The following TMEM184B variants were observed in gnomAD, a reference collection of about 807,000 sequenced individuals.
The protein encoded by TMEM184B is transmembrane protein 184B.
TMEM184B carries 17 observed loss-of-function variants against 41.8 expected under a neutral mutation model. That is an observed-to-expected ratio of 0.41 (90% CI 0.28 to 0.61). The LOEUF is 0.61. Ranked by LOEUF, TMEM184B falls within the 20% of genes least tolerant of loss-of-function variation. The probability of loss-of-function intolerance (pLI) is 0.34; values close to 1 mark genes in which losing one functional copy is unlikely to be tolerated. For synonymous variants in TMEM184B, 240 were observed against 229.5 expected (o/e 1.05, Z -0.41); for missense variants, 393 against 557.8 (o/e 0.70, Z 2.98).
rs745528307 is a variant in TMEM184B, at chr22:38,225,428, C to A, written c.783G>T (p.Trp261Cys). ...AGGTGCTGGGAGGGGGCTCACCTTG[C>A]CAGAAGGAAAGAAAGATGACGGACT... ...MVKSVIFLSF[W>C]QGMLLAILEK... is the part of the protein sequence containing the mutation. The change falls in exon 7 of 9, where the codon TGG (tryptophan) becomes TGT (cysteine). Residue 261 changes from tryptophan to cysteine, a missense_variant. Transcript: ENST00000361906. The surrounding 1 kb of genome is among the most constrained non-coding windows in gnomAD (Gnocchi z 4.4). 2.6e-6 allele frequency: 4 copies of A among 1,562,474 alleles called. No individual in the cohort carries two copies. The highest frequency in any genetic ancestry group is 3.5e-6 in the Non-Finnish European group (4 of 1,156,744).
chr22:38,255,961 T>G (rs926771512), intron 1 of TMEM184B, among the ~76,000 whole-genome samples: 2 of 152,136 alleles, frequency 1.3e-5, no homozygotes, highest in African/African-American at 4.8e-5. Flanking sequence ...ATAGTGGTAG[T>G]GGTTACATGA....
rs369470386 is a variant in TMEM184B at position 38,249,229 on chromosome 22, G to A, written c.-58-1210C>T. The stretch of plus-strand genomic sequence containing the variant: ...CAATGGTGCAATCTCGGCTCCCTGC[G>A]GCTTCCGCCTCCCGGGCTCAAGAAT... On this transcript the variant is annotated intron_variant, in intron 1 of 8. Transcript: ENST00000361906. Among the ~76,000 whole-genome samples the A allele has an allele frequency of 2.0e-4, 30 of 152,210 alleles. No homozygotes were observed. In the South Asian group the frequency reaches 4.4e-3, roughly 22 times the overall value.
rs971990322 is a variant in TMEM184B at position 38,221,819 on chromosome 22, A to G, written c.983-109T>C. 6 of 1,457,444 alleles carry G rather than the reference A, an allele frequency of 4.1e-6. No homozygotes were observed. In the African/African-American group the frequency reaches 5.6e-5, roughly 14 times the overall value. The allele number at this position is 1,457,444 out of a possible 1,614,324, so 90.3% of individuals were successfully genotyped here. A position where few individuals can be genotyped will look rare whatever the true frequency, so the allele number is the denominator to read the frequency against. On this transcript the variant is annotated intron_variant, in intron 8 of 8. Transcript: ENST00000361906. Reference sequence around the variant, plus strand: ...GACAGACACCCCCCAACCCAAAGCTATGCCCTTCAACCATCCCTTCTGGGA... The same window carrying G: ...GACAGACACCCCCCAACCCAAAGCTGTGCCCTTCAACCATCCCTTCTGGGA...
At chr22:38,260,773 A>G (rs1015277704) in intron 1 of TMEM184B, among the ~76,000 whole-genome samples, 4 of 152,148 alleles carry the variant, frequency 2.6e-5, no homozygotes, top group African/African-American at 7.2e-5. Context: ...CATGCTCCCA[A>G]CAGTCTCTGG....
At chr22:38,255,975 T>C (rs1284748019) in intron 1 of TMEM184B, among the ~76,000 whole-genome samples, 2 of 152,284 alleles carry the variant, frequency 1.3e-5, no homozygotes, top group Middle Eastern at 3.4e-3. Flanking sequence ...TACATGAATC[T>C]ACATGTGATA....
Position 38,225,065 on chromosome 22 carries a change from C to T in TMEM184B, c.788-86G>A. 1.4e-6 allele frequency: 2 copies of T among 1,408,226 alleles called. No individual in the cohort carries two copies. Among genetic ancestry groups the T allele is most frequent in the Non-Finnish European group, 1.9e-6 (2 of 1,057,740 alleles). 87.2% of individuals were successfully genotyped at this position (1,408,226 alleles called of 1,614,324 possible). A position where few individuals can be genotyped will look rare whatever the true frequency, so the allele number is the denominator to read the frequency against. ...CCACAATGCCCCATTCAGCTGCCCA[C>T]ATGCCCCAGTGAGGATGTGAGCAGG... is the stretch of plus-strand genomic sequence containing the variant. On this transcript the variant is annotated intron_variant, in intron 7 of 8. Transcript: ENST00000361906. This position sits in a 1 kb window ranked among gnomAD's most constrained non-coding sequence, Gnocchi z 4.4.
At chr22:38,219,068 C>T (rs115311760), downstream of TMEM184B, among the ~76,000 whole-genome samples, 2,345 of 152,324 alleles carry the variant, frequency 0.015, 59 homozygotes, top group African/African-American at 0.053. Context: ...GCCTGCGGCC[C>T]GGCCGTCCTG....
At chr22:38,262,215 G>T (rs1014289344) in intron 1 of TMEM184B, among the ~76,000 whole-genome samples, 1 of 152,222 alleles carries the variant, frequency 6.6e-6, no homozygotes, top group Non-Finnish European at 1.5e-5. Context: ...GGCACCACGC[G>T]AAAGTGCCAA....
In TMEM184B at chr22:38,253,184, C is replaced by T. The variant is rs182637700; in HGVS notation, c.-58-5165G>A. Among the ~76,000 whole-genome samples, 273 of 152,182 alleles carry T rather than the reference C, an allele frequency of 1.8e-3. 1 individual carries two copies. Among genetic ancestry groups the T allele is most frequent in the African/African-American group, 6.5e-3 (268 of 41,534 alleles). ...TAAATAAAAATAATAATGGGAGCCG[C>T]GGTGGCTCAGGCCGGTTGCCCTGGC... On this transcript the variant is annotated intron_variant, in intron 1 of 8. Transcript: ENST00000361906.
Position 38,224,970 on chromosome 22 carries a change from AG to A in TMEM184B, c.796del (p.Leu266TrpfsTer68). The A allele has an allele frequency of 6.4e-7, 1 of 1,572,888 alleles. No homozygotes were observed. The highest frequency in any genetic ancestry group is 8.6e-7 in the Non-Finnish European group (1 of 1,158,548). ...IFLSFWQGML[L>X]AILEKCGAIP... ...GGCCCCACACTTCTCCAGGATGGCC[AG>A]GAGCATGCCTGGATGGGGAGGCACG... On this transcript the variant is annotated frameshift_variant, in exon 8 of 9. Coordinates refer to ENST00000361906, the MANE Select transcript of TMEM184B (RefSeq NM_012264.5). LOFTEE classifies it high-confidence loss of function.
intron 3 of TMEM184B, 76 bp from the exon 4 acceptor site, chr22:38,231,410 AT>A: frequency 8.3e-7 from 1 of 1,211,814 alleles, no homozygotes; most frequent in Non-Finnish European, 1.2e-6. Flanking sequence ...CTAAACAGCA[AT>A]GGAGGTGAAA....
chr22:38,239,017 G>A lies in TMEM184B; in HGVS notation c.358+6918C>T, dbSNP rs1437755050. 2.0e-5 allele frequency among the ~76,000 whole-genome samples: 3 copies of A among 152,188 alleles called. No homozygotes were observed. The highest frequency in any genetic ancestry group is 2.1e-4 in the South Asian group (1 of 4,838). On this transcript the variant is annotated intron_variant, in intron 3 of 8. Transcript: ENST00000361906. This position sits in a 1 kb window ranked among gnomAD's most constrained non-coding sequence, Gnocchi z 4.6. ...CTAACAAACAGCAACTGCATAAAGC[G>A]ACATACGGACACCGCCTCCTGCCTC...
chr22:38,265,224 C>T (rs1214303155), intron 1 of TMEM184B, among the ~76,000 whole-genome samples: 2 of 152,202 alleles, frequency 1.3e-5, no homozygotes, highest in Non-Finnish European at 2.9e-5. Flanking sequence ...AGACCTCCTG[C>T]ACTTCACCTG....
chr22:38,218,434 G>A (rs2146032547), downstream of TMEM184B, among the ~76,000 whole-genome samples: 1 of 152,258 alleles, frequency 6.6e-6, no homozygotes, highest in African/African-American at 2.4e-5. Flanking sequence ...AAAAACCCTG[G>A]AGACCTGTGG....
chr22:38,219,941 C>T lies in TMEM184B; in HGVS notation c.*1528G>A. 3 of 985,346 alleles carry T rather than the reference C, an allele frequency of 3.0e-6. No individual in the cohort carries two copies. The highest frequency in any genetic ancestry group is 1.0e-3 in the Middle Eastern group (2 of 1,918). 61.0% of individuals were successfully genotyped at this position (985,346 alleles called of 1,614,324 possible). A position where few individuals can be genotyped will look rare whatever the true frequency, so the allele number is the denominator to read the frequency against. Reference sequence around the variant, plus strand: ...AAGGAGGCCAGGAAGACGGCTGGGCCCCAACTCTCCTCACAGGTGGCAGGG... The same window carrying T: ...AAGGAGGCCAGGAAGACGGCTGGGCTCCAACTCTCCTCACAGGTGGCAGGG... On this transcript the variant is annotated 3_prime_UTR_variant, in exon 9 of 9. Coordinates refer to ENST00000361906, the MANE Select transcript of TMEM184B (RefSeq NM_012264.5).
At chr22:38,228,598 C>G (rs2091519280) in intron 5 of TMEM184B, among the ~76,000 whole-genome samples, 1 of 152,140 alleles carries the variant, frequency 6.6e-6, no homozygotes, top group South Asian at 2.1e-4. Context: ...GGTGGTTGAT[C>G]TGGGAATCTC....
intron 3 of TMEM184B, among the ~76,000 whole-genome samples, chr22:38,241,002 T>C (rs1291301597): frequency 6.6e-6 from 1 of 152,152 alleles, no homozygotes; most frequent in Non-Finnish European, 1.5e-5. Context: ...GAAGACGTGC[T>C]CCAACCAGGC....
In TMEM184B at chr22:38,248,046, T is replaced by C. The variant is rs1263524710; in HGVS notation, c.-58-27A>G. ...TAGAGAGAAGAAATTGCAATGTGAG[T>C]CTCCTCCCAGGGCAAGTGGCAGCAT... is the stretch of plus-strand genomic sequence containing the variant. On this transcript the variant is annotated intron_variant, in intron 1 of 8. Transcript: ENST00000361906. The C allele has an allele frequency of 2.7e-6, 4 of 1,474,942 alleles. No homozygotes were observed. In the African/African-American group the frequency reaches 4.2e-5, roughly 16 times the overall value. 91.4% of individuals were successfully genotyped at this position (1,474,942 alleles called of 1,614,324 possible).
intron 3 of TMEM184B, among the ~76,000 whole-genome samples, chr22:38,233,833 G>A (rs1217794272): frequency 6.6e-6 from 1 of 152,008 alleles, no homozygotes; most frequent in Non-Finnish European, 1.5e-5. Context: ...GCAGTGGCAC[G>A]ATCTTGGCTC....
Sources: gnomAD v4.1 joint callset for allele counts (sites outside exome capture counted in the v4.1 genomes callset) on GRCh38, gnomAD v4.1.1 for gene constraint, Gnocchi (gnomAD v3.1) non-coding constraint, MANE v1.5 for transcripts, NCBI Gene and HGNC (gene_info 2026-07-23, HGNC 2026-07-21) for gene names.